The following ADAMTSL2 variants were observed in gnomAD, a reference collection of about 807,000 sequenced individuals.
The protein encoded by ADAMTSL2 is ADAMTS like 2, also known as ADAMTS-like protein 2.
Under a neutral mutation model 117.0 loss-of-function variants are expected in ADAMTSL2, and 55 were observed. That is an observed-to-expected ratio of 0.47 (90% confidence interval 0.38 to 0.59). The LOEUF (loss-of-function observed/expected upper bound fraction) is 0.59. Among genes scored for constraint, ADAMTSL2 ranks in the 20% least tolerant of loss-of-function variants. The pLI is 0.00. For synonymous variants in ADAMTSL2, 572 were observed against 566.4 expected (o/e 1.01, Z -0.14); for missense variants, 1,182 against 1,354.5 (o/e 0.87, Z 2.00).
rs1477809347 is a variant in ADAMTSL2 at position 133,557,356 on chromosome 9, G to A, written c.1649+1426G>A. On this transcript the variant is annotated intron_variant, in intron 11 of 18. Transcript: ENST00000651351. This position sits in a 1 kb window ranked among gnomAD's most constrained non-coding sequence, Gnocchi z 5.2. ...CTGGGCGGAATCCTACTTTGCAGAT[G>A]TGGACAGAGTGGGGCCTCGGAGCCT... Among the ~76,000 whole-genome samples the A allele has an allele frequency of 6.6e-6, 1 of 152,208 alleles. No individual in the cohort carries two copies. The highest frequency in any genetic ancestry group is 2.4e-5 in the African/African-American group (1 of 41,448).
intron 7 of ADAMTSL2, among the ~76,000 whole-genome samples, chr9:133,542,643 A>C (rs1830252709): frequency 6.6e-6 from 1 of 152,194 alleles, no homozygotes; most frequent in South Asian, 2.1e-4. Flanking sequence ...ACTGTTGCTG[A>C]AATATACAGA....
At chr9:133,570,643 G>C in intron 17 of ADAMTSL2, 136 bp downstream of exon 17, 1 of 997,720 alleles carries the variant, frequency 1.0e-6, no homozygotes. Context: ...TTTCCTTCCC[G>C]GGAAAGCTTC....
In ADAMTSL2 at chr9:133,555,926, G is replaced by T; in HGVS notation, c.1645G>T (p.Ala549Ser). The T allele has an allele frequency of 6.2e-7, 1 of 1,610,996 alleles. No homozygotes were observed. The highest frequency in any genetic ancestry group is 8.5e-7 in the Non-Finnish European group (1 of 1,179,786). ...LTSAGNRTHK[A>S]RTRPKARKQG... ...CTCGGCCGGGAACAGGACTCACAAGGCCAGGTAGGAGGCACTTTCCTGAGC... is the reference window on the plus strand; with the variant it reads ...CTCGGCCGGGAACAGGACTCACAAGTCCAGGTAGGAGGCACTTTCCTGAGC... Residue 549 changes from alanine (A) to serine (S), a missense_variant, in exon 11 of 19, where the codon GCC becomes TCC. Ala to Ser is a moderately conservative substitution (Grantham distance 99). Coordinates refer to ENST00000651351, the MANE Select transcript of ADAMTSL2 (RefSeq NM_014694.4).
intron 7 of ADAMTSL2, among the ~76,000 whole-genome samples, chr9:133,541,679 G>T (rs796440573): frequency 6.6e-5 from 10 of 152,274 alleles, no homozygotes; most frequent in African/African-American, 2.4e-4. Context: ...GGATTCTGGG[G>T]CCTGAGTTTC....
Position 133,534,834 on chromosome 9 carries a change from G to T in ADAMTSL2, c.-234G>T. On this transcript the variant is annotated 5_prime_UTR_variant, in exon 1 of 19. Transcript: ENST00000651351. ...CAGCCTCTGCACTCACGCCGCCCCCGCACGCACAGCGCACCTGGCGCCGTC... is the reference window on the plus strand; with the variant it reads ...CAGCCTCTGCACTCACGCCGCCCCCTCACGCACAGCGCACCTGGCGCCGTC... 1 of 1,497,598 alleles carries T rather than the reference G, an allele frequency of 6.7e-7. No homozygotes were observed. The highest frequency in any genetic ancestry group is 1.4e-5 in the African/African-American group (1 of 69,664). The allele number at this position is 1,497,598 out of a possible 1,614,324, so 92.8% of individuals were successfully genotyped here.
chr9:133,533,261 T>C (rs1269153609), upstream of ADAMTSL2, among the ~76,000 whole-genome samples: 1 of 152,002 alleles, frequency 6.6e-6, no homozygotes, highest in Non-Finnish European at 1.5e-5. Flanking sequence ...AGTGTGGGCC[T>C]GGGTTAGGGT....
intron 17 of ADAMTSL2, among the ~76,000 whole-genome samples, chr9:133,572,622 G>A (rs898732363): frequency 3.9e-5 from 6 of 152,094 alleles, no homozygotes; most frequent in South Asian, 2.1e-4. Flanking sequence ...GCCATGGCAC[G>A]GGGGGAGCCA....
upstream of ADAMTSL2, among the ~76,000 whole-genome samples, chr9:133,533,961 A>AG (rs903983790): frequency 2.6e-4 from 40 of 152,206 alleles, no homozygotes; most frequent in Admixed American, 2.4e-3. Flanking sequence ...GGAGTTTCCC[A>AG]GGGGGGCTCT....
In ADAMTSL2 at chr9:133,568,432, G is replaced by A; in HGVS notation, c.2034G>A (p.Lys678=). 6.2e-7 allele frequency: 1 copy of A among 1,609,076 alleles called. No homozygotes were observed. Among genetic ancestry groups the A allele is most frequent in the East Asian group, 2.2e-5 (1 of 44,668 alleles). The change falls in exon 14 of 19, where the codon AAG becomes AAA. Residue 678 remains lysine, a synonymous_variant. Transcript: ENST00000651351. ...AGGCCGTGCGGCCCGAGGAACGCAA[G>A]ACCTGCCGGAACCCCGCCTGCGGGC... The part of the protein sequence containing the change: ...AAEAVRPEER[K]TCRNPACGPQ...
intron 13 of ADAMTSL2, among the ~76,000 whole-genome samples, chr9:133,567,692 C>T (rs1333744045): frequency 7.2e-5 from 11 of 152,350 alleles, no homozygotes; most frequent in Admixed American, 3.3e-4. Context: ...CACGTTTGCT[C>T]CTTTCTGGGA....
intron 12 of ADAMTSL2, 110 bp from the exon 13 acceptor site, chr9:133,566,826 C>A (rs1409514092): frequency 2.1e-6 from 3 of 1,435,212 alleles, no homozygotes; most frequent in Non-Finnish European, 2.8e-6. Flanking sequence ...GATCCCCAAG[C>A]CAGAAAGCTG....
At chr9:133,539,690 CCACT>C (rs1554810831) in intron 4 of ADAMTSL2, 77 bp from the exon 5 acceptor site, 728 of 1,371,238 alleles carry the variant, frequency 5.3e-4, no homozygotes, top group Non-Finnish European at 6.6e-4. Flanking sequence ...CCGGCTGCAG[CCACT>C]TCCTGCTTAG....
At chr9:133,542,045 G>A (rs1173116578) in intron 7 of ADAMTSL2, among the ~76,000 whole-genome samples, 1 of 152,210 alleles carries the variant, frequency 6.6e-6, no homozygotes, top group Non-Finnish European at 1.5e-5. Flanking sequence ...GTCCCAATGA[G>A]GCCAGTTGAC....
chr9:133,563,851 G>GAA (rs1830817091), intron 12 of ADAMTSL2, among the ~76,000 whole-genome samples: 1 of 90,334 alleles, frequency 1.1e-5, no homozygotes, highest in Non-Finnish European at 2.4e-5. Context: ...GAGGGAGAGA[G>GAA]AGAGAGAGAG....
At chr9:133,546,242 G>A (rs1180879711) in intron 8 of ADAMTSL2, among the ~76,000 whole-genome samples, 4 of 152,256 alleles carry the variant, frequency 2.6e-5, no homozygotes, top group South Asian at 4.1e-4. Context: ...GGGGTGGTGG[G>A]GAGTGGGGGC....
In ADAMTSL2 at chr9:133,557,993, G is replaced by T. The variant is rs946558177; in HGVS notation, c.1649+2063G>T. Reference sequence around the variant, plus strand: ...AGGGGCTGCCCTTTGGGCCCACCAGGTCAAATATTCAGTGATCCTTAGGCC... The same window carrying T: ...AGGGGCTGCCCTTTGGGCCCACCAGTTCAAATATTCAGTGATCCTTAGGCC... On this transcript the variant is annotated intron_variant, in intron 11 of 18. Coordinates refer to ENST00000651351, the MANE Select transcript of ADAMTSL2 (RefSeq NM_014694.4). This position sits in a 1 kb window ranked among gnomAD's most constrained non-coding sequence, Gnocchi z 5.2. Among the ~76,000 whole-genome samples, 2 of 152,054 alleles carry T rather than the reference G, an allele frequency of 1.3e-5. No homozygotes were observed. The highest frequency in any genetic ancestry group is 3.9e-4 in the East Asian group (2 of 5,176).
In ADAMTSL2 at chr9:133,568,412, G is replaced by T; in HGVS notation, c.2014G>T (p.Val672Leu). 5 of 1,608,046 alleles carry T rather than the reference G, an allele frequency of 3.1e-6. No homozygotes were observed. Among genetic ancestry groups the T allele is most frequent in the Non-Finnish European group, 4.2e-6 (5 of 1,178,112 alleles). ...CGACCTGTGCGAGGCAGCCGAGGCC[G>T]TGCGGCCCGAGGAACGCAAGACCTG... is the stretch of plus-strand genomic sequence containing the variant. ...YSDLCEAAEAVRPEERKTCRN... is the reference protein window; with the variant it reads ...YSDLCEAAEALRPEERKTCRN... Residue 672 changes from valine to leucine, a missense_variant, in exon 14 of 19, where the codon GTG (valine) becomes TTG (leucine). Val to Leu is a conservative substitution (Grantham distance 32). Coordinates refer to ENST00000651351, the MANE Select transcript of ADAMTSL2 (RefSeq NM_014694.4).
Position 133,554,291 on chromosome 9 carries a change from G to A in ADAMTSL2, c.940-66G>A, listed in dbSNP as rs200335966. Reference sequence around the variant, plus strand: ...AACGCACCCTGCAGCTCTGTGGGAAGGGGATTGGTGGGGAAGGGGCTGGAC... The same window carrying A: ...AACGCACCCTGCAGCTCTGTGGGAAAGGGATTGGTGGGGAAGGGGCTGGAC... On this transcript the variant is annotated intron_variant, in intron 9 of 18. Transcript: ENST00000651351. The surrounding 1 kb of genome is among the most constrained non-coding windows in gnomAD (Gnocchi z 5.2). 6.6e-5 allele frequency: 92 copies of A among 1,400,440 alleles called. No homozygotes were observed. In the East Asian group the frequency reaches 1.6e-3, roughly 24 times the overall value. 86.8% of individuals were successfully genotyped at this position (1,400,440 alleles called of 1,614,324 possible).
chr9:133,566,508 G>C (rs910532816), intron 12 of ADAMTSL2, among the ~76,000 whole-genome samples: 79 of 152,248 alleles, frequency 5.2e-4, no homozygotes, highest in Admixed American at 1.0e-3. Flanking sequence ...GGGCGCGCCC[G>C]AACCCCCACC....
Sources: gnomAD v4.1 joint callset for allele counts (sites outside exome capture counted in the v4.1 genomes callset) on GRCh38, gnomAD v4.1.1 for gene constraint, Gnocchi (gnomAD v3.1) non-coding constraint, MANE v1.5 for transcripts, NCBI Gene and HGNC (gene_info 2026-07-23, HGNC 2026-07-21) for gene names.